The following PRKN variants were observed in gnomAD, a reference collection of about 807,000 sequenced individuals.
PRKN encodes the protein E3 ubiquitin-protein ligase parkin.
In PRKN, 56 loss-of-function variants were observed where a neutral mutation model predicts 59.5. The observed-to-expected ratio is 0.94, with a 90% CI of 0.76 to 1.18. PRKN has a LOEUF of 1.18. Ranked by LOEUF, PRKN falls within the 50% of genes most tolerant of loss-of-function variation. The probability of loss-of-function intolerance (pLI) is 0.00; values close to 1 mark genes in which losing one functional copy is unlikely to be tolerated. For missense variants in PRKN, 657 were observed against 596.4 expected (o/e 1.10, Z -1.06); for synonymous variants, 250 against 222.1 (o/e 1.13, Z -1.12).
intron 1 of PRKN, among the ~76,000 whole-genome samples, chr6:162,661,037 G>A (rs913624193): frequency 2.0e-5 from 3 of 152,074 alleles, no homozygotes; most frequent in Admixed American, 6.6e-5. Flanking sequence ...TGAGGTGGGC[G>A]GATCACCTGA....
rs189120032 is a variant in PRKN, at chr6:162,163,227, G to A, written c.534+37904C>T. ...GTATAGAATAGGTTATCAATTTTAC[G>A]TCTGTGTTAAGGACAGGAATCACAG... On this transcript the variant is annotated intron_variant, in intron 4 of 11. Transcript: ENST00000366898. Among the ~76,000 whole-genome samples the A allele has an allele frequency of 1.1e-4, 16 of 149,004 alleles. No homozygotes were observed. In the East Asian group the frequency reaches 2.1e-3, roughly 20 times the overall value.
chr6:162,626,027 G>A (rs60451035), intron 1 of PRKN, among the ~76,000 whole-genome samples: 4,105 of 152,112 alleles, frequency 0.027, 191 homozygotes, highest in African/African-American at 0.093. Context: ...TTTACAACTG[G>A]GTAGAGACTA....
intron 2 of PRKN, among the ~76,000 whole-genome samples, chr6:162,346,272 A>C (rs564522981): frequency 3.3e-5 from 5 of 152,076 alleles, no homozygotes; most frequent in African/African-American, 9.6e-5. Context: ...ACCTTTGAGC[A>C]TTTTTGCCGT....
At chr6:162,045,756 C>A (rs1357610009) in intron 5 of PRKN, among the ~76,000 whole-genome samples, 3 of 152,146 alleles carry the variant, frequency 2.0e-5, no homozygotes, top group Non-Finnish European at 4.4e-5. Flanking sequence ...GCTGGAAGGA[C>A]TAGGAGGGCT....
At chr6:161,449,893 T>A (rs1200830061) in intron 9 of PRKN, among the ~76,000 whole-genome samples, 1 of 152,206 alleles carries the variant, frequency 6.6e-6, no homozygotes, top group Non-Finnish European at 1.5e-5. Flanking sequence ...TCCATTTCAA[T>A]GCACTGCCAT....
chr6:162,265,807 G>T (rs893111420), intron 2 of PRKN, among the ~76,000 whole-genome samples: 1 of 152,178 alleles, frequency 6.6e-6, no homozygotes, highest in African/African-American at 2.4e-5. Flanking sequence ...CGCAGCTGAA[G>T]CCAGCCTGAG....
At chr6:161,580,529 T>A (rs1423692709) in intron 7 of PRKN, among the ~76,000 whole-genome samples, 1 of 152,120 alleles carries the variant, frequency 6.6e-6, no homozygotes, top group East Asian at 1.9e-4. Flanking sequence ...CAGGCTGGAG[T>A]GCAGTGGTGC....
chr6:162,032,086 T>C (rs1783665813), intron 5 of PRKN, among the ~76,000 whole-genome samples: 1 of 152,156 alleles, frequency 6.6e-6, no homozygotes, highest in South Asian at 2.1e-4. Context: ...AGCTTGCTAC[T>C]AATGCTGCAA....
intron 6 of PRKN, among the ~76,000 whole-genome samples, chr6:161,959,326 G>T (rs2128248061): frequency 6.6e-6 from 1 of 152,188 alleles, no homozygotes; most frequent in East Asian, 1.9e-4. Flanking sequence ...GGATCTAGCG[G>T]TTTTCCCTTT....
At chr6:161,558,620 T>C (rs1279219882) in intron 8 of PRKN, among the ~76,000 whole-genome samples, 3 of 151,760 alleles carry the variant, frequency 2.0e-5, no homozygotes, top group East Asian at 3.9e-4. Flanking sequence ...TAGAAACTAA[T>C]GAAAAATAGT....
At position 162,355,084 on chromosome 6, in the gene PRKN, C is replaced by T. The variant is rs75929829; in HGVS notation, c.171+88226G>A. On this transcript the variant is annotated intron_variant, in intron 2 of 11. Coordinates refer to ENST00000366898, the MANE Select transcript of PRKN (RefSeq NM_004562.3). ...AATACAAAGCCTATAAGACAGTCTACAGGTTTGAATTTCTCTTTAAAAATA... is the reference window on the plus strand; with the variant it reads ...AATACAAAGCCTATAAGACAGTCTATAGGTTTGAATTTCTCTTTAAAAATA... 2.7e-3 allele frequency among the ~76,000 whole-genome samples: 410 copies of T among 151,950 alleles called. 1 individual carries two copies. The highest frequency in any genetic ancestry group is 8.8e-3 in the African/African-American group (367 of 41,498).
At chr6:162,113,734 T>C (rs1780543870) in intron 4 of PRKN, among the ~76,000 whole-genome samples, 3 of 152,218 alleles carry the variant, frequency 2.0e-5, no homozygotes, top group African/African-American at 7.2e-5. Context: ...ATCCCATTTG[T>C]CAATTTTGGC....
chr6:162,292,013 G>C (rs1033523411), intron 2 of PRKN, among the ~76,000 whole-genome samples: 2 of 149,392 alleles, frequency 1.3e-5, no homozygotes, highest in African/African-American at 5.0e-5. Flanking sequence ...ATCCAGGCTG[G>C]AGTGCAATGG....
At chr6:161,746,826 CTATA>C (rs1788450289) in intron 7 of PRKN, among the ~76,000 whole-genome samples, 2 of 147,900 alleles carry the variant, frequency 1.4e-5, no homozygotes, top group South Asian at 4.2e-4. Context: ...ATGTATATGT[CTATA>C]TATGTATATA....
chr6:161,485,428 C>T (rs1052469124), intron 9 of PRKN, among the ~76,000 whole-genome samples: 7 of 152,152 alleles, frequency 4.6e-5, no homozygotes, highest in African/African-American at 1.7e-4. Flanking sequence ...ACAATGTGAA[C>T]ACTCAGACAG....
intron 6 of PRKN, among the ~76,000 whole-genome samples, chr6:161,837,563 T>G (rs1292251070): frequency 1.3e-5 from 2 of 148,936 alleles, no homozygotes; most frequent in East Asian, 2.0e-4. Flanking sequence ...GGTGTCTGGG[T>G]TTTTTTTCCT....
intron 1 of PRKN, among the ~76,000 whole-genome samples, chr6:162,672,422 T>C (rs775909331): frequency 2.0e-5 from 3 of 152,000 alleles, no homozygotes; most frequent in Non-Finnish European, 4.4e-5. Context: ...GCAAAAAAAA[T>C]AAATGAACAC....
chr6:161,813,063 A>G (rs569495952), intron 6 of PRKN, among the ~76,000 whole-genome samples: 4 of 152,370 alleles, frequency 2.6e-5, no homozygotes, highest in African/African-American at 9.6e-5. Flanking sequence ...TTGTTTATTC[A>G]AAAGATAAAT....
chr6:161,354,388 G>A lies in PRKN; in HGVS notation c.1286-4177C>T, dbSNP rs991998394. 8.5e-5 allele frequency among the ~76,000 whole-genome samples: 13 copies of A among 152,266 alleles called. No homozygotes were observed. The highest frequency in any genetic ancestry group is 1.9e-4 in the East Asian group (1 of 5,186). ...TCAAACCATGAAAAGCTCAGCCTAC[G>A]CCGGGCAGTCGACATCGTGGCTCCG... On this transcript the variant is annotated intron_variant, in intron 11 of 11. Coordinates refer to ENST00000366898, the MANE Select transcript of PRKN (RefSeq NM_004562.3). This position sits in a 1 kb window ranked among gnomAD's most constrained non-coding sequence, Gnocchi z 6.7.
Sources: allele counts gnomAD v4.1 joint callset (sites outside exome capture counted in the v4.1 genomes callset), GRCh38; gene constraint gnomAD v4.1.1; non-coding constraint Gnocchi (gnomAD v3.1); transcripts MANE v1.5; gene names NCBI Gene and HGNC (gene_info 2026-07-23, HGNC 2026-07-21).